Variants in IL12RB2 observed in about 807,000 individuals in gnomAD.
IL12RB2 encodes the protein interleukin 12 receptor subunit beta 2.
IL12RB2 carries 82 observed loss-of-function variants against 89.4 expected under a neutral mutation model. The ratio of observed to expected loss-of-function variants is 0.92; its 90% CI spans 0.77 to 1.10. The LOEUF is 1.10. Ranked by LOEUF, IL12RB2 falls within the 50% of genes least tolerant of loss-of-function variation. The pLI is 0.00. For missense variants in IL12RB2, 963 were observed against 1,031.9 expected (o/e 0.93, Z 0.92); for synonymous variants, 368 against 370.1 (o/e 0.99, Z 0.07).
chr1:67,348,718 G>T (rs1278941859), intron 9 of IL12RB2, among the ~76,000 whole-genome samples: 1 of 151,662 alleles, frequency 6.6e-6, no homozygotes, highest in East Asian at 1.9e-4. Flanking sequence ...GTTGCTTCAG[G>T]AGACTAAGTG....
chr1:67,356,474 A>T (rs1557440868), intron 10 of IL12RB2, among the ~76,000 whole-genome samples: 1 of 152,114 alleles, frequency 6.6e-6, no homozygotes. Flanking sequence ...ACCCTTCAGC[A>T]TTTTTTTCCT....
rs1000829345 is a variant in IL12RB2, at chr1:67,329,592, C to A, written c.670C>A (p.Pro224Thr). 4 of 1,578,846 alleles carry A rather than the reference C, an allele frequency of 2.5e-6. No homozygotes were observed. The highest frequency in any genetic ancestry group is 2.6e-6 in the Non-Finnish European group (3 of 1,147,960). The change falls in exon 7 of 17, where the codon CCT becomes ACT. Residue 224 changes from proline (P) to threonine (T), a missense_variant. Pro to Thr is a conservative substitution (Grantham distance 38). Transcript: ENST00000674203. The stretch of plus-strand genomic sequence containing the variant: ...TTGTTTGTCCTGGTTACTAGTGAGG[C>A]CTCTTCCTCCGTGGGACATTAGAAT... ...STFTFLDIVR[P>T]LPPWDIRIKF...
At chr1:67,356,834 G>A (rs988432498) in intron 10 of IL12RB2, among the ~76,000 whole-genome samples, 2 of 152,172 alleles carry the variant, frequency 1.3e-5, no homozygotes, top group Non-Finnish European at 2.9e-5. Context: ...AAGACCACAA[G>A]CCCTGGGAAT....
chr1:67,354,896 AG>A (rs758700001), intron 10 of IL12RB2, among the ~76,000 whole-genome samples: 7 of 152,366 alleles, frequency 4.6e-5, no homozygotes, highest in African/African-American at 1.7e-4. Flanking sequence ...TATTGTAAAA[AG>A]CACCTGCCAT....
At chr1:67,323,022 C>G (rs560175846) in intron 4 of IL12RB2, among the ~76,000 whole-genome samples, 8 of 152,320 alleles carry the variant, frequency 5.3e-5, no homozygotes, top group Admixed American at 3.3e-4. Flanking sequence ...GGAAGAATTG[C>G]TCTAGCAGGC....
At chr1:67,388,248 G>A (rs938366427) in intron 15 of IL12RB2, among the ~76,000 whole-genome samples, 1 of 152,196 alleles carries the variant, frequency 6.6e-6, no homozygotes, top group Non-Finnish European at 1.5e-5. Flanking sequence ...CAAGTGCATT[G>A]TCGTCCTAGT....
intron 10 of IL12RB2, among the ~76,000 whole-genome samples, chr1:67,364,539 C>T (rs1662469004): frequency 6.6e-6 from 1 of 152,192 alleles, no homozygotes; most frequent in Non-Finnish European, 1.5e-5. Flanking sequence ...AGAAAGTTAT[C>T]AGTGGTAACT....
chr1:67,338,718 T>G lies in IL12RB2; in HGVS notation c.1038+15T>G. 7.8e-7 allele frequency: 1 copy of G among 1,284,374 alleles called. No individual in the cohort carries two copies. Among genetic ancestry groups the G allele is most frequent in the Non-Finnish European group, 1.1e-6 (1 of 878,630 alleles). 79.6% of individuals were successfully genotyped at this position (1,284,374 alleles called of 1,614,324 possible). On this transcript the variant is annotated intron_variant, in intron 9 of 16. Transcript: ENST00000674203. ...TTTTCTGGAAGGTGAGTTTTAAGCG[T>G]CAACTTAAAACTCAAGGGAATAAAA...
intron 7 of IL12RB2, 113 bp downstream of exon 7, chr1:67,329,842 G>T (rs936490110): frequency 2.5e-6 from 2 of 790,392 alleles, no homozygotes; most frequent in Non-Finnish European, 4.5e-6. Context: ...TATCCCAAAA[G>T]TACACACGAG....
intron 1 of IL12RB2, among the ~76,000 whole-genome samples, chr1:67,310,103 G>A (rs1032220446): frequency 6.9e-6 from 1 of 144,462 alleles, no homozygotes; most frequent in Non-Finnish European, 1.5e-5. Flanking sequence ...AGAATCGATT[G>A]AACCCGGGAG....
chr1:67,373,552 A>C (rs1663606453), intron 13 of IL12RB2, among the ~76,000 whole-genome samples: 2 of 152,256 alleles, frequency 1.3e-5, no homozygotes, highest in African/African-American at 4.8e-5. Flanking sequence ...TTTATGGCCC[A>C]AAATTATTCT....
chr1:67,361,638 TAAC>T (rs984947751), intron 10 of IL12RB2, among the ~76,000 whole-genome samples: 1 of 151,730 alleles, frequency 6.6e-6, no homozygotes, highest in African/African-American at 2.4e-5. Flanking sequence ...TGAAAAAACA[TAAC>T]AACATATACA....
chr1:67,358,641 T>G (rs1395801382), intron 10 of IL12RB2, among the ~76,000 whole-genome samples: 1 of 149,028 alleles, frequency 6.7e-6, no homozygotes, highest in Non-Finnish European at 1.5e-5. Flanking sequence ...GGTAATAGAG[T>G]AAATTCAGAG....
intron 16 of IL12RB2, among the ~76,000 whole-genome samples, chr1:67,390,690 G>C (rs1304085553): frequency 1.3e-5 from 2 of 152,136 alleles, no homozygotes; most frequent in Non-Finnish European, 2.9e-5. Context: ...TAAAGGAAGT[G>C]AAGGGAACTG....
intron 11 of IL12RB2, among the ~76,000 whole-genome samples, chr1:67,370,686 T>C (rs1024790940): frequency 1.3e-5 from 2 of 152,114 alleles, no homozygotes; most frequent in Admixed American, 6.5e-5. Context: ...CTGAGGAGTA[T>C]GGGCTTCATA....
At chr1:67,341,516 A>AG (rs1553314329) in intron 9 of IL12RB2, among the ~76,000 whole-genome samples, 1 of 84,208 alleles carries the variant, frequency 1.2e-5, no homozygotes, top group African/African-American at 8.1e-5. Flanking sequence ...GAAAGAAGGA[A>AG]AGAAAAAAGA....
At chr1:67,358,575 T>G (rs1390119142) in intron 10 of IL12RB2, among the ~76,000 whole-genome samples, 1 of 149,478 alleles carries the variant, frequency 6.7e-6, no homozygotes, top group Non-Finnish European at 1.5e-5. Flanking sequence ...AAACTCCATC[T>G]CAAAAAAAAA....
In IL12RB2 at chr1:67,395,644, C is replaced by A; in HGVS notation, c.2144C>A (p.Thr715Asn). The change falls in exon 17 of 17, where the codon ACC becomes AAC. Residue 715 changes from threonine (T) to asparagine (N), a missense_variant. Physicochemically the swap from Thr to Asn is moderately conservative, Grantham distance 65 (BLOSUM62 0). Coordinates refer to ENST00000674203, the MANE Select transcript of IL12RB2 (RefSeq NM_001374259.2). The stretch of plus-strand genomic sequence containing the variant: ...ATCAGTGAAGTCCTTCATCAAGTGA[C>A]CCCAGTTTTCAGACATCCCCCCTGC... ...LVISEVLHQV[T>N]PVFRHPPCSN... The A allele has an allele frequency of 6.2e-7, 1 of 1,614,166 alleles. No individual in the cohort carries two copies. Among genetic ancestry groups the A allele is most frequent in the Non-Finnish European group, 8.5e-7 (1 of 1,180,028 alleles).
intron 8 of IL12RB2, among the ~76,000 whole-genome samples, chr1:67,333,696 A>C (rs1163963291): frequency 6.6e-6 from 1 of 152,186 alleles, no homozygotes; most frequent in Admixed American, 6.5e-5. Context: ...AGCATCCATC[A>C]AAGGCAGGCC....
Sources: gnomAD v4.1 joint callset for allele counts (sites outside exome capture counted in the v4.1 genomes callset) on GRCh38, gnomAD v4.1.1 for gene constraint, MANE v1.5 for transcripts, NCBI Gene and HGNC (gene_info 2026-07-23, HGNC 2026-07-21) for gene names.